SCAI: variants seen among roughly 807,000 people sequenced by gnomAD.
SCAI encodes suppressor of cancer cell invasion, also known as protein SCAI.
A neutral mutation model predicts 92.2 loss-of-function variants in SCAI; 24 were observed. The observed-to-expected ratio is 0.26, with a 90% CI of 0.19 to 0.37. The LOEUF is 0.37. Among genes scored for constraint, SCAI ranks in the 10% least tolerant of loss-of-function variants. The pLI is 1.00. For missense variants in SCAI, 450 were observed against 736.2 expected, an observed-to-expected ratio of 0.61 and a Z score of 4.50; for synonymous variants, 261 against 258.6, an observed-to-expected ratio of 1.01 and a Z score of -0.09.
At chr9:125,116,357 C>T (rs912558245) in intron 2 of SCAI, among the ~76,000 whole-genome samples, 2 of 152,028 alleles carry the variant, frequency 1.3e-5, no homozygotes, top group Admixed American at 1.3e-4. Flanking sequence ...CCTGCCCTCA[C>T]AGGGCTTGTA....
chr9:125,057,385 G>A (rs562517603), intron 2 of SCAI, among the ~76,000 whole-genome samples: 1 of 152,282 alleles, frequency 6.6e-6, no homozygotes, highest in Non-Finnish European at 1.5e-5. Context: ...ACACAAATGA[G>A]AGTGAAGAAA....
intron 2 of SCAI, among the ~76,000 whole-genome samples, chr9:125,060,330 A>G (rs961476888): frequency 7.2e-5 from 11 of 152,082 alleles, no homozygotes; most frequent in African/African-American, 2.7e-4. Context: ...CCACATAAAG[A>G]TGGCATTAAT....
In SCAI at chr9:124,952,407, C is replaced by T. The variant is rs1831246022; in HGVS notation, c.*400G>A. 6.5e-6 allele frequency: 1 copy of T among 154,128 alleles called. No individual in the cohort carries two copies. Among genetic ancestry groups the T allele is most frequent in the African/African-American group, 2.4e-5 (1 of 41,494 alleles). 9.5% of individuals were successfully genotyped at this position (154,128 alleles called of 1,614,324 possible). A position where few individuals can be genotyped will look rare whatever the true frequency, so the allele number is the denominator to read the frequency against. On this transcript the variant is annotated 3_prime_UTR_variant, in exon 18 of 18. Coordinates refer to ENST00000336505, the MANE Select transcript of SCAI (RefSeq NM_001144877.3). ...TTCAGTAGTCCATGGTGGCTAGCTT[C>T]ATCATTATGAACCATTACATATTTC...
At chr9:124,999,868 A>T (rs757688287) in intron 13 of SCAI, 23 bp downstream of exon 13, 1 of 1,181,290 alleles carries the variant, frequency 8.5e-7, no homozygotes, top group African/African-American at 1.6e-5. Context: ...TTTTATAATA[A>T]GAGTAGACAC....
chr9:125,032,703 T>A (rs1833104292), intron 3 of SCAI, among the ~76,000 whole-genome samples: 2 of 149,836 alleles, frequency 1.3e-5, no homozygotes, highest in Non-Finnish European at 3.0e-5. Flanking sequence ...AACCTCCGCC[T>A]CCTGGGTTCA....
At chr9:125,031,949 T>C (rs940107699) in intron 3 of SCAI, among the ~76,000 whole-genome samples, 2 of 151,968 alleles carry the variant, frequency 1.3e-5, no homozygotes, top group Non-Finnish European at 2.9e-5. Flanking sequence ...ATAAAATACA[T>C]GTTCTTGTTT....
At chr9:124,976,608 T>C (rs1293200352) in intron 14 of SCAI, among the ~76,000 whole-genome samples, 2 of 152,116 alleles carry the variant, frequency 1.3e-5, no homozygotes, top group Non-Finnish European at 2.9e-5. Flanking sequence ...TAATAACTGC[T>C]CTCATGGAAT....
chr9:124,991,540 C>T (rs7869611), intron 14 of SCAI, among the ~76,000 whole-genome samples: 66,926 of 151,392 alleles, frequency 0.44, 15,597 homozygotes, highest in African/African-American at 0.56. Flanking sequence ...GTTCTCTTTT[C>T]TCATTAAAAA....
intron 17 of SCAI, among the ~76,000 whole-genome samples, chr9:124,954,454 C>T (rs1408126139): frequency 6.6e-6 from 1 of 152,198 alleles, no homozygotes; most frequent in Non-Finnish European, 1.5e-5. Flanking sequence ...ACACAATCCT[C>T]CCACTGAAAC....
At chr9:125,035,080 G>T (rs571978269) in intron 3 of SCAI, among the ~76,000 whole-genome samples, 3 of 152,268 alleles carry the variant, frequency 2.0e-5, no homozygotes, top group African/African-American at 7.2e-5. Flanking sequence ...GAGGCTGGGT[G>T]TGGTGGCTCA....
At chr9:125,052,731 A>G (rs1234313919) in intron 3 of SCAI, among the ~76,000 whole-genome samples, 4 of 152,186 alleles carry the variant, frequency 2.6e-5, no homozygotes, top group Admixed American at 6.5e-5. Flanking sequence ...ATAAACAATT[A>G]TAAATTAATA....
rs1230469185 is a variant in SCAI at position 124,946,559 on chromosome 9, T to G, written c.*6248A>C. 1.3e-5 allele frequency: 2 copies of G among 152,098 alleles called. No individual in the cohort carries two copies. Among genetic ancestry groups the G allele is most frequent in the African/African-American group, 4.8e-5 (2 of 41,444 alleles). 9.4% of individuals were successfully genotyped at this position (152,098 alleles called of 1,614,324 possible). ...GCAGTGAATGTATTTAAGTGTATAT[T>G]AAACATCTCCTACACTCTTTCATGC... On this transcript the variant is annotated 3_prime_UTR_variant, in exon 18 of 18. Transcript: ENST00000336505. The surrounding 1 kb of genome is among the most constrained non-coding windows in gnomAD (Gnocchi z 4.0).
intron 2 of SCAI, among the ~76,000 whole-genome samples, chr9:125,135,834 TG>T (rs1229982882): frequency 6.6e-6 from 1 of 151,454 alleles, no homozygotes; most frequent in Non-Finnish European, 1.5e-5. Flanking sequence ...CTGGGTGTGG[TG>T]GCGCATGTCT....
chr9:124,980,093 G>C (rs546206219), intron 14 of SCAI, among the ~76,000 whole-genome samples: 2 of 151,304 alleles, frequency 1.3e-5, no homozygotes, highest in African/African-American at 4.9e-5. Context: ...AGATATATTA[G>C]AAATATTTTG....
At chr9:125,017,579 A>G (rs1832786299) in intron 9 of SCAI, among the ~76,000 whole-genome samples, 1 of 152,210 alleles carries the variant, frequency 6.6e-6, no homozygotes. Flanking sequence ...AAACTTGTAT[A>G]AAAAACACAT....
chr9:124,960,299 A>G (rs1014600269), intron 17 of SCAI, among the ~76,000 whole-genome samples: 82 of 152,262 alleles, frequency 5.4e-4, no homozygotes, highest in East Asian at 7.7e-4. Flanking sequence ...CGTGATCATA[A>G]TTCACTGTAA....
Position 125,062,212 on chromosome 9 carries a change from G to A in SCAI, c.99-6205C>T, listed in dbSNP as rs778465798. Among the ~76,000 whole-genome samples, 36 of 150,994 alleles carry A rather than the reference G, an allele frequency of 2.4e-4. 1 individual carries two copies. Among genetic ancestry groups the A allele is most frequent in the Non-Finnish European group, 2.7e-4 (18 of 67,810 alleles). ...GTGATCATGGCTCACTGCAACCTCT[G>A]CTTCCCAGGCTCAAGCCATCCTCCT... On this transcript the variant is annotated intron_variant, in intron 2 of 17. Coordinates refer to ENST00000336505, the MANE Select transcript of SCAI (RefSeq NM_001144877.3).
intron 14 of SCAI, among the ~76,000 whole-genome samples, chr9:124,988,680 T>TC (rs1832047746): frequency 6.6e-6 from 1 of 151,402 alleles, no homozygotes; most frequent in Non-Finnish European, 1.5e-5. Context: ...GACAAACAAA[T>TC]AAAAGACAAC....
chr9:125,007,045 G>T (rs928942338), intron 9 of SCAI, among the ~76,000 whole-genome samples: 14 of 152,194 alleles, frequency 9.2e-5, no homozygotes, highest in African/African-American at 3.4e-4. Flanking sequence ...ACTGAACCAG[G>T]GAGGCAGAAG....
Sources: allele counts gnomAD v4.1 joint callset (sites outside exome capture counted in the v4.1 genomes callset), GRCh38; gene constraint gnomAD v4.1.1; non-coding constraint Gnocchi (gnomAD v3.1); transcripts MANE v1.5; gene names NCBI Gene and HGNC (gene_info 2026-07-23, HGNC 2026-07-21).